The following C1orf94 variants were observed in gnomAD, a reference collection of about 807,000 sequenced individuals.
C1orf94 encodes chromosome 1 open reading frame 94.
C1orf94 carries 45 observed loss-of-function variants against 53.6 expected under a neutral mutation model. The observed-to-expected ratio is 0.84, with a 90% CI of 0.66 to 1.08. C1orf94 has a LOEUF of 1.08. Ranked by LOEUF, C1orf94 falls within the 50% of genes least tolerant of loss-of-function variation. The pLI is 0.00. For missense variants in C1orf94, 762 were observed against 738.9 expected (o/e 1.03, Z -0.36); for synonymous variants, 304 against 296.1 (o/e 1.03, Z -0.27).
At chr1:34,198,017 G>A (rs67904100) in intron 2 of C1orf94, 104 bp downstream of exon 2, 268,159 of 1,204,286 alleles carry the variant, frequency 0.22, 30,676 homozygotes, top group Middle Eastern at 0.28. Context: ...TTCATGCAAA[G>A]CAAGACAAAG....
At chr1:34,202,312 A>G in intron 4 of C1orf94, 53 bp downstream of exon 4, 1 of 1,575,510 alleles carries the variant, frequency 6.3e-7, no homozygotes. Flanking sequence ...TTTTGGCCAC[A>G]GAGAAGGAGT....
chr1:34,193,565 G>T (rs1400664475), intron 1 of C1orf94, among the ~76,000 whole-genome samples: 2 of 152,192 alleles, frequency 1.3e-5, no homozygotes, highest in Non-Finnish European at 2.9e-5. Context: ...GCCCAGGCTG[G>T]GGGTGGGGAG....
At chr1:34,176,154 T>C (rs1379033352), upstream of C1orf94, among the ~76,000 whole-genome samples, 1 of 152,028 alleles carries the variant, frequency 6.6e-6, no homozygotes, top group East Asian at 1.9e-4. Context: ...GAATTATGAA[T>C]GGGGATGGGA....
intron 4 of C1orf94, among the ~76,000 whole-genome samples, chr1:34,207,262 G>GGTGTGTGTGTGTGTGT (rs58794132): frequency 5.4e-5 from 8 of 147,452 alleles, no homozygotes; most frequent in African/African-American, 2.0e-4. Context: ...AGTTCTGCGG[G>GGTGTGTGTGTGTGTGT]GTGTGTGTGT....
At chr1:34,194,734 A>G (rs1642552772) in intron 1 of C1orf94, among the ~76,000 whole-genome samples, 1 of 152,168 alleles carries the variant, frequency 6.6e-6, no homozygotes, top group Non-Finnish European at 1.5e-5. Flanking sequence ...TATCGCTAAG[A>G]GATAAGGACT....
At chr1:34,192,051 G>C (rs948538561) in intron 1 of C1orf94, among the ~76,000 whole-genome samples, 6 of 152,130 alleles carry the variant, frequency 3.9e-5, no homozygotes, top group Non-Finnish European at 7.4e-5. Flanking sequence ...CCAGGAGCTG[G>C]GTTAACCTCC....
chr1:34,195,651 T>G (rs1033916514), intron 1 of C1orf94, among the ~76,000 whole-genome samples: 4 of 152,180 alleles, frequency 2.6e-5, no homozygotes, highest in Non-Finnish European at 5.9e-5. Context: ...GTTTCCTGTC[T>G]GGCACAATAG....
At chr1:34,176,654 AC>A (rs1642230136), upstream of C1orf94, among the ~76,000 whole-genome samples, 1 of 152,120 alleles carries the variant, frequency 6.6e-6, no homozygotes, top group Admixed American at 6.5e-5. Context: ...TACTAATTTC[AC>A]GAGCTTTAAT....
intron 1 of C1orf94, among the ~76,000 whole-genome samples, chr1:34,184,660 T>A (rs1472745926): frequency 2.0e-5 from 3 of 152,238 alleles, no homozygotes; most frequent in Non-Finnish European, 2.9e-5. Context: ...TTGGCTTCCA[T>A]TGGCCAGTTC....
chr1:34,213,252 C>T (rs1642924979), intron 6 of C1orf94, among the ~76,000 whole-genome samples: 1 of 152,190 alleles, frequency 6.6e-6, no homozygotes. Flanking sequence ...TCCCATCCTT[C>T]CACCTCCCCA....
upstream of C1orf94, among the ~76,000 whole-genome samples, chr1:34,175,685 C>T (rs1375502537): frequency 6.6e-6 from 1 of 152,102 alleles, no homozygotes. Flanking sequence ...ACCATTAATT[C>T]ATCCAACACA....
intron 5 of C1orf94, among the ~76,000 whole-genome samples, chr1:34,209,538 T>C (rs951434769): frequency 1.3e-5 from 2 of 152,080 alleles, no homozygotes; most frequent in African/African-American, 4.8e-5. Flanking sequence ...TCCACACAAA[T>C]GTGGACACCC....
intron 1 of C1orf94, among the ~76,000 whole-genome samples, chr1:34,186,737 C>A (rs1294294892): frequency 6.6e-6 from 1 of 152,206 alleles, no homozygotes; most frequent in Non-Finnish European, 1.5e-5. Context: ...GACACAGCCC[C>A]TTAATCGGGG....
rs998577521 is a variant in C1orf94 at position 34,218,905 on chromosome 1, C to T, written c.*144C>T. The T allele has an allele frequency of 7.2e-6, 4 of 552,404 alleles. No homozygotes were observed. In the African/African-American group the frequency reaches 7.6e-5, roughly 10 times the overall value. The allele number at this position is 552,404 out of a possible 1,614,324, so 34.2% of individuals were successfully genotyped here. A position where few individuals can be genotyped will look rare whatever the true frequency, so the allele number is the denominator to read the frequency against. ...GACAAAACAGCAAGACCAGATTCATCTATTGGCCAACACTGACACAAAAAT... is the reference window on the plus strand; with the variant it reads ...GACAAAACAGCAAGACCAGATTCATTTATTGGCCAACACTGACACAAAAAT... On this transcript the variant is annotated 3_prime_UTR_variant, in exon 7 of 7. Coordinates refer to ENST00000488417, the MANE Select transcript of C1orf94 (RefSeq NM_001134734.2).
chr1:34,192,314 C>A (rs1204949779), intron 1 of C1orf94, among the ~76,000 whole-genome samples: 1 of 152,098 alleles, frequency 6.6e-6, no homozygotes, highest in African/African-American at 2.4e-5. Context: ...TGCCATGGGA[C>A]CGCCTTGCAG....
chr1:34,187,843 G>A (rs1426947895), intron 1 of C1orf94, among the ~76,000 whole-genome samples: 1 of 139,400 alleles, frequency 7.2e-6, no homozygotes, highest in Non-Finnish European at 1.5e-5. Context: ...CCTGGAGGGA[G>A]AATCAGGTGG....
At chr1:34,216,977 G>T (rs1251315414) in intron 6 of C1orf94, among the ~76,000 whole-genome samples, 1 of 152,192 alleles carries the variant, frequency 6.6e-6, no homozygotes, top group African/African-American at 2.4e-5. Flanking sequence ...CTACTGGGGA[G>T]AATGAGGCAC....
At chr1:34,175,190 AT>A (rs10608833), upstream of C1orf94, among the ~76,000 whole-genome samples, 38,837 of 131,860 alleles carry the variant, frequency 0.29, 5,096 homozygotes, top group African/African-American at 0.36. Context: ...GCTGTATTTG[AT>A]TTTTTTTTTT....
At chr1:34,176,890 C>T (rs1642233646), upstream of C1orf94, among the ~76,000 whole-genome samples, 1 of 152,060 alleles carries the variant, frequency 6.6e-6, no homozygotes, top group Non-Finnish European at 1.5e-5. Flanking sequence ...TCTTGGGCTC[C>T]GAACCCAGGG....
Sources: allele counts gnomAD v4.1 joint callset (sites outside exome capture counted in the v4.1 genomes callset), GRCh38; gene constraint gnomAD v4.1.1; transcripts MANE v1.5; gene names NCBI Gene and HGNC (gene_info 2026-07-23, HGNC 2026-07-21).